Variants in EFCAB5 observed in about 807,000 individuals in gnomAD.
EFCAB5 encodes EF-hand calcium binding domain 5, also known as EF-hand calcium-binding domain-containing protein 5.
Under a neutral mutation model 167.9 loss-of-function variants are expected in EFCAB5, and 131 were observed. The ratio of observed to expected loss-of-function variants is 0.78; its 90% CI spans 0.68 to 0.90. The LOEUF is 0.90. Among genes scored for constraint, EFCAB5 ranks in the 40% least tolerant of loss-of-function variants. The pLI, the probability that EFCAB5 is intolerant of heterozygous loss-of-function variation, is 0.00. For missense variants in EFCAB5, 1,663 were observed against 1,745.2 expected, an observed-to-expected ratio of 0.95 and a Z score of 0.84; for synonymous variants, 574 against 602.8, an observed-to-expected ratio of 0.95 and a Z score of 0.70.
intron 8 of EFCAB5, among the ~76,000 whole-genome samples, chr17:30,039,502 T>C (rs1231683486): frequency 6.6e-6 from 1 of 152,150 alleles, no homozygotes; most frequent in Non-Finnish European, 1.5e-5. Flanking sequence ...AACTCTCTAC[T>C]TCAGAAAAAT....
At chr17:30,011,197 GCTTA>G in intron 7 of EFCAB5, among the ~76,000 whole-genome samples, 1 of 152,144 alleles carries the variant, frequency 6.6e-6, no homozygotes, top group Admixed American at 6.5e-5. Flanking sequence ...ATGCTGTTTT[GCTTA>G]CTGTAGCCTT....
At chr17:29,993,537 G>T (rs2068470177) in intron 5 of EFCAB5, among the ~76,000 whole-genome samples, 2 of 150,532 alleles carry the variant, frequency 1.3e-5, no homozygotes, top group South Asian at 4.2e-4. Flanking sequence ...CTAAAATCTT[G>T]ACTCTGGCTG....
rs143049158 is a variant in EFCAB5 at position 30,078,625 on chromosome 17, T to C, written c.3027+121T>C. On this transcript the variant is annotated intron_variant, in intron 15 of 22. Transcript: ENST00000394835. ...AAATCACTGGGTGCTGCTGTAGATA[T>C]TTTATTCATTCCAGTCCATTACAAA... 5.6e-3 allele frequency: 6,764 copies of C among 1,218,380 alleles called. 104 individuals carry two copies. In the Admixed American group the frequency reaches 0.068, roughly 12 times the overall value. The allele number at this position is 1,218,380 out of a possible 1,614,324, so 75.5% of individuals were successfully genotyped here. A position where few individuals can be genotyped will look rare whatever the true frequency, so the allele number is the denominator to read the frequency against.
At position 30,053,481 on chromosome 17, in the gene EFCAB5, G is replaced by C. The variant is rs1444284372; in HGVS notation, c.1527G>C (p.Gln509His). 2 of 1,613,834 alleles carry C rather than the reference G, an allele frequency of 1.2e-6. No individual in the cohort carries two copies. The highest frequency in any genetic ancestry group is 1.7e-6 in the Non-Finnish European group (2 of 1,179,894). ...STPSPNPPEQ[Q>H]RGVTAEQGPQ... Reference sequence around the variant, plus strand: ...CATCACCAAACCCGCCAGAACAGCAGAGAGGAGTAACTGCAGAACAAGGAC... The same window carrying C: ...CATCACCAAACCCGCCAGAACAGCACAGAGGAGTAACTGCAGAACAAGGAC... Residue 509 changes from glutamine to histidine, a missense_variant, in exon 10 of 23, where the codon CAG becomes CAC. Physicochemically the swap from Gln to His is conservative, Grantham distance 24. Transcript: ENST00000394835.
rs184175414 is a variant in EFCAB5 at position 30,101,804 on chromosome 17, T to G, written c.4322-6030T>G. Among the ~76,000 whole-genome samples, 32 of 152,310 alleles carry G rather than the reference T, an allele frequency of 2.1e-4. No individual in the cohort carries two copies. The East Asian group carries it at 3.9e-3, about 18-fold the overall frequency. ...GAGATAACAGCAGGTTTCATTCTGA[T>G]GGGAAATCCTGTAGAAAGCAAGAAG... On this transcript the variant is annotated intron_variant, in intron 22 of 22. Coordinates refer to ENST00000394835, the MANE Select transcript of EFCAB5 (RefSeq NM_198529.4).
intron 15 of EFCAB5, among the ~76,000 whole-genome samples, chr17:30,079,244 A>G (rs560374562): frequency 4.6e-5 from 7 of 152,320 alleles, no homozygotes; most frequent in Middle Eastern, 3.4e-3. Context: ...AGACCACTCA[A>G]GAAGAAGAGG....
chr17:29,937,203 A>T (rs538650577), upstream of EFCAB5, among the ~76,000 whole-genome samples: 157 of 148,830 alleles, frequency 1.1e-3, no homozygotes, highest in South Asian at 5.3e-3. Context: ...TTATTTATTT[A>T]TTTTTTTTTT....
At chr17:30,014,391 A>C (rs2068980985) in intron 7 of EFCAB5, among the ~76,000 whole-genome samples, 1 of 152,130 alleles carries the variant, frequency 6.6e-6, no homozygotes, top group African/African-American at 2.4e-5. Flanking sequence ...TCTAATATTG[A>C]CAGTGGGGTG....
chr17:30,019,705 C>A (rs780367391), intron 7 of EFCAB5, among the ~76,000 whole-genome samples: 72 of 152,084 alleles, frequency 4.7e-4, no homozygotes, highest in Non-Finnish European at 9.4e-4. Context: ...CTCGGCCTCC[C>A]AAAGTGCTAG....
At chr17:30,003,100 G>A (rs762666446) in intron 7 of EFCAB5, among the ~76,000 whole-genome samples, 19 of 112,934 alleles carry the variant, frequency 1.7e-4, no homozygotes, top group South Asian at 3.6e-4. Flanking sequence ...TTTTTGTAGC[G>A]GGGGGGGGGT....
chr17:30,082,107 A>G (rs886782266), intron 17 of EFCAB5, among the ~76,000 whole-genome samples: 1 of 152,148 alleles, frequency 6.6e-6, no homozygotes, highest in African/African-American at 2.4e-5. Context: ...GGACTACGTA[A>G]TCTAGCACAC....
intron 7 of EFCAB5, among the ~76,000 whole-genome samples, chr17:30,001,914 G>A (rs1437462325): frequency 6.6e-6 from 1 of 152,120 alleles, no homozygotes; most frequent in Non-Finnish European, 1.5e-5. Flanking sequence ...ACCTAAAAAG[G>A]TTGAACACTT....
At chr17:30,012,952 G>C (rs1439187619) in intron 7 of EFCAB5, among the ~76,000 whole-genome samples, 4 of 152,120 alleles carry the variant, frequency 2.6e-5, no homozygotes, top group Admixed American at 2.0e-4. Context: ...GTCATAAATA[G>C]CTCTTATTAT....
At chr17:30,101,470 C>T (rs1038836184) in intron 22 of EFCAB5, among the ~76,000 whole-genome samples, 3 of 152,174 alleles carry the variant, frequency 2.0e-5, no homozygotes, top group Non-Finnish European at 4.4e-5. Flanking sequence ...GTGGAGCAGG[C>T]TTTGGTCGGG....
intron 14 of EFCAB5, chr17:30,073,712 G>T: frequency 1.4e-6 from 1 of 713,448 alleles, no homozygotes; most frequent in Admixed American, 2.0e-5. Context: ...AAAATTTTAA[G>T]TGTATATTTG....
At chr17:29,966,753 T>C (rs1369449372) in intron 3 of EFCAB5, among the ~76,000 whole-genome samples, 1 of 152,198 alleles carries the variant, frequency 6.6e-6, no homozygotes, top group Non-Finnish European at 1.5e-5. Context: ...AGGGGAGTCA[T>C]GCTCAACATC....
intron 22 of EFCAB5, among the ~76,000 whole-genome samples, chr17:30,105,941 A>G (rs957183910): frequency 6.6e-6 from 1 of 152,156 alleles, no homozygotes; most frequent in Non-Finnish European, 1.5e-5. Flanking sequence ...CCTATCCCAT[A>G]TTATACCTTT....
intron 4 of EFCAB5, among the ~76,000 whole-genome samples, chr17:29,975,225 T>C (rs1457467676): frequency 6.6e-6 from 1 of 152,056 alleles, no homozygotes; most frequent in African/African-American, 2.4e-5. Flanking sequence ...TGATACACTT[T>C]TCCTTTTAAT....
At chr17:29,968,726 C>G (rs2067884989) in intron 3 of EFCAB5, 65 bp from the exon 4 acceptor site, 1 of 1,309,612 alleles carries the variant, frequency 7.6e-7, no homozygotes, top group South Asian at 1.8e-5. Flanking sequence ...AAATATTATT[C>G]TAAAGTCACA....
Sources: gnomAD v4.1 joint callset for allele counts (sites outside exome capture counted in the v4.1 genomes callset) on GRCh38, gnomAD v4.1.1 for gene constraint, MANE v1.5 for transcripts, NCBI Gene and HGNC (gene_info 2026-07-23, HGNC 2026-07-21) for gene names.